The following USP28 variants were observed in gnomAD, a reference collection of about 807,000 sequenced individuals.
USP28 encodes the protein ubiquitin carboxyl-terminal hydrolase 28.
Under a neutral mutation model 145.0 loss-of-function variants are expected in USP28, and 113 were observed. That is an observed-to-expected ratio of 0.78 (90% CI 0.67 to 0.91). The LOEUF is 0.91. USP28 is among the 40% of genes least tolerant of loss of function. The pLI is 0.00. For missense variants in USP28, 1,201 were observed against 1,289.6 expected, an observed-to-expected ratio of 0.93 and a Z score of 1.05; for synonymous variants, 447 against 450.9, an observed-to-expected ratio of 0.99 and a Z score of 0.11.
chr11:113,824,644 T>A (rs1408058473), intron 11 of USP28, among the ~76,000 whole-genome samples: 1 of 150,790 alleles, frequency 6.6e-6, no homozygotes, highest in Admixed American at 6.6e-5. Context: ...ATTATTAAGA[T>A]GTTGGACCAG....
At chr11:113,808,521 A>C in intron 17 of USP28, 84 bp from the exon 18 acceptor site, 3 of 1,429,762 alleles carry the variant, frequency 2.1e-6, no homozygotes. Flanking sequence ...GAATGTATAC[A>C]GTTTAATATA....
At chr11:113,852,900 C>T (rs931192932) in intron 2 of USP28, among the ~76,000 whole-genome samples, 4 of 152,044 alleles carry the variant, frequency 2.6e-5, no homozygotes, top group African/African-American at 4.8e-5. Flanking sequence ...CCCATTGCTT[C>T]GGATACTACT....
exon 16 of USP28, chr11:113,812,342 C>T (rs1159081928): frequency 6.2e-7 from 1 of 1,614,088 alleles, no homozygotes; most frequent in Non-Finnish European, 8.5e-7. Flanking sequence ...TTTCTCAGGC[C>T]TCCATAGGAA....
chr11:113,805,041 G>A (rs1252315621), exon 20 of USP28: 5 of 1,613,780 alleles, frequency 3.1e-6, no homozygotes, highest in Admixed American at 3.3e-5. Flanking sequence ...ATTCTTCATG[G>A]AATGCCTATT....
chr11:113,844,301 C>T (rs1945562032), intron 3 of USP28, among the ~76,000 whole-genome samples: 2 of 151,800 alleles, frequency 1.3e-5, no homozygotes. Flanking sequence ...ATTAGCCGGG[C>T]GTGGTGGCAG....
intron 12 of USP28, among the ~76,000 whole-genome samples, chr11:113,818,532 T>C (rs1301839086): frequency 5.9e-5 from 9 of 152,186 alleles, no homozygotes; most frequent in Admixed American, 5.9e-4. Flanking sequence ...AAGAGATTTT[T>C]TTCTTTAAGA....
At chr11:113,807,407 G>GA (rs573751502) in intron 18 of USP28, among the ~76,000 whole-genome samples, 113 of 150,918 alleles carry the variant, frequency 7.5e-4, no homozygotes, top group African/African-American at 1.2e-3. Flanking sequence ...ATACCCCACA[G>GA]AAAAAAAACA....
chr11:113,875,361 C>G, intron 1 of USP28, 84 bp downstream of exon 1: 2 of 1,100,266 alleles, frequency 1.8e-6, no homozygotes, highest in Non-Finnish European at 2.2e-6. Context: ...CCGCAGCCCG[C>G]AACCCGCAGC....
rs777367314 is a variant in USP28, at chr11:113,831,903, A to C, written c.833+17T>G. 9 of 1,609,966 alleles carry C rather than the reference A, an allele frequency of 5.6e-6. No homozygotes were observed. The South Asian group carries it at 9.9e-5, about 18-fold the overall frequency. On this transcript the variant is annotated intron_variant, in intron 8 of 24. Coordinates refer to ENST00000003302, the Ensembl canonical transcript of USP28. ...CTGTGAGTCGGAAGGATGTACAAAC[A>C]AACCCTCAACACTCACTTAACATTA...
At chr11:113,827,144 A>T (rs1273865647) in intron 11 of USP28, 89 bp downstream of exon 11, 2 of 1,450,674 alleles carry the variant, frequency 1.4e-6, no homozygotes, top group Admixed American at 2.4e-5. Flanking sequence ...CATGTCTCCC[A>T]GGTGATTCCT....
intron 11 of USP28, among the ~76,000 whole-genome samples, chr11:113,826,199 C>T (rs1018425637): frequency 6.7e-6 from 1 of 148,326 alleles, no homozygotes. Flanking sequence ...AGGAGAATCG[C>T]TTGAACCCGG....
At chr11:113,844,356 G>A (rs1945570464) in intron 3 of USP28, among the ~76,000 whole-genome samples, 3 of 151,950 alleles carry the variant, frequency 2.0e-5, no homozygotes, top group Admixed American at 6.6e-5. Flanking sequence ...CAGGAGGCTT[G>A]AACCCGGGAG....
At chr11:113,809,494 T>G (rs1248563985) in intron 16 of USP28, among the ~76,000 whole-genome samples, 1 of 152,192 alleles carries the variant, frequency 6.6e-6, no homozygotes, top group African/African-American at 2.4e-5. Context: ...TAGTTGAGCA[T>G]CCCAAATCCT....
chr11:113,837,163 G>C (rs1219069374), intron 5 of USP28, among the ~76,000 whole-genome samples: 3 of 152,082 alleles, frequency 2.0e-5, no homozygotes, highest in African/African-American at 7.2e-5. Flanking sequence ...ATTTTATTCA[G>C]CTAGTTCATC....
chr11:113,831,053 A>G (rs1591306749), intron 8 of USP28, 110 bp from the exon 9 acceptor site: 1 of 1,018,014 alleles, frequency 9.8e-7, no homozygotes, highest in African/African-American at 1.6e-5. Flanking sequence ...TCAACCCCCA[A>G]AGAGCCAGGT....
At chr11:113,843,368 C>T (rs755002396) in intron 3 of USP28, among the ~76,000 whole-genome samples, 22 of 151,432 alleles carry the variant, frequency 1.5e-4, no homozygotes, top group Non-Finnish European at 2.4e-4. Context: ...TCCACAGGAG[C>T]AGTTAAAAAA....
chr11:113,875,327 T>A, intron 1 of USP28, 118 bp downstream of exon 1: 1 of 853,928 alleles, frequency 1.2e-6, no homozygotes, highest in Non-Finnish European at 1.5e-6. Flanking sequence ...GCGCACCCCC[T>A]GTCCCGCCCG....
chr11:113,809,710 C>T (rs1460432764), intron 16 of USP28, among the ~76,000 whole-genome samples: 2 of 152,162 alleles, frequency 1.3e-5, no homozygotes, highest in Non-Finnish European at 2.9e-5. Flanking sequence ...TAAACATCTG[C>T]TAAGTGAATG....
intron 9 of USP28, 147 bp from the exon 10 acceptor site, chr11:113,829,492 T>G: frequency 1.1e-6 from 1 of 888,306 alleles, no homozygotes; most frequent in East Asian, 2.7e-5. Flanking sequence ...CAACCTCTAG[T>G]GAGCCAGTCA....
Sources: allele counts gnomAD v4.1 joint callset (sites outside exome capture counted in the v4.1 genomes callset), GRCh38; gene constraint gnomAD v4.1.1; transcripts MANE v1.5; gene names NCBI Gene and HGNC (gene_info 2026-07-23, HGNC 2026-07-21).